CPNE4: variants seen among roughly 807,000 people sequenced by gnomAD.
The protein encoded by CPNE4 is copine-4.
CPNE4 carries 25 observed loss-of-function variants against 67.9 expected under a neutral mutation model. That is an observed-to-expected ratio of 0.37 (90% CI 0.27 to 0.51). CPNE4 has a LOEUF of 0.51. CPNE4 is among the 20% of genes least tolerant of loss of function. The pLI is 0.93. For synonymous variants in CPNE4, 242 were observed against 244.9 expected, an observed-to-expected ratio of 0.99 and a Z score of 0.11; for missense variants, 464 against 690.8, an observed-to-expected ratio of 0.67 and a Z score of 3.68.
chr3:131,980,421 ATTGGG>A (rs1156989342), intron 1 of CPNE4, among the ~76,000 whole-genome samples: 1 of 151,640 alleles, frequency 6.6e-6, no homozygotes, highest in Non-Finnish European at 1.5e-5. Context: ...TCTTTGTTGG[ATTGGG>A]TTAATTTGAA....
At chr3:131,694,355 C>T (rs756354787) in intron 5 of CPNE4, among the ~76,000 whole-genome samples, 2 of 152,054 alleles carry the variant, frequency 1.3e-5, no homozygotes, top group Non-Finnish European at 2.9e-5. Flanking sequence ...ACTATTTTTC[C>T]AGCTGTGACA....
intron 1 of CPNE4, among the ~76,000 whole-genome samples, chr3:131,916,730 C>T (rs1421828427): frequency 6.6e-6 from 1 of 152,092 alleles, no homozygotes; most frequent in Non-Finnish European, 1.5e-5. Context: ...ACTAGTAACA[C>T]GTGTCTATTA....
At chr3:131,934,928 C>T (rs955049146) in intron 1 of CPNE4, among the ~76,000 whole-genome samples, 12 of 152,036 alleles carry the variant, frequency 7.9e-5, no homozygotes, top group Non-Finnish European at 1.8e-4. Context: ...AGGGAGATTT[C>T]CTATTTGATG....
At chr3:131,591,425 C>A (rs778605210) in intron 7 of CPNE4, among the ~76,000 whole-genome samples, 6 of 152,136 alleles carry the variant, frequency 3.9e-5, no homozygotes, top group Non-Finnish European at 5.9e-5. Context: ...ATCCCATTCA[C>A]CCCTTCATTG....
At chr3:131,995,151 GTTTTAA>G (rs1466349664) in intron 1 of CPNE4, among the ~76,000 whole-genome samples, 2 of 152,010 alleles carry the variant, frequency 1.3e-5, no homozygotes, top group East Asian at 1.9e-4. Context: ...CAGCTGTAGA[GTTTTAA>G]TTTTATCTGT....
At chr3:131,900,960 T>C (rs1373971494) in intron 2 of CPNE4, among the ~76,000 whole-genome samples, 1 of 152,122 alleles carries the variant, frequency 6.6e-6, no homozygotes, top group Non-Finnish European at 1.5e-5. Flanking sequence ...TGATTGTGTA[T>C]TAAAATTCAA....
intron 2 of CPNE4, among the ~76,000 whole-genome samples, chr3:131,830,914 A>G (rs1193320182): frequency 6.6e-6 from 1 of 152,104 alleles, no homozygotes; most frequent in Non-Finnish European, 1.5e-5. Flanking sequence ...ACAAGGTACA[A>G]AGATACAAGG....
chr3:132,002,275 CAT>C (rs988006304), intron 1 of CPNE4, among the ~76,000 whole-genome samples: 56 of 152,208 alleles, frequency 3.7e-4, no homozygotes, highest in Admixed American at 3.1e-3. Context: ...AAATTAAACC[CAT>C]GTCTTGGCAG....
chr3:131,797,072 G>A (rs1356570973), intron 2 of CPNE4, among the ~76,000 whole-genome samples: 2 of 152,078 alleles, frequency 1.3e-5, no homozygotes, highest in Non-Finnish European at 2.9e-5. Context: ...AACTCCATAG[G>A]TCACAGTGGC....
intron 12 of CPNE4, among the ~76,000 whole-genome samples, chr3:131,553,476 G>A (rs771184361): frequency 6.6e-5 from 10 of 152,002 alleles, no homozygotes; most frequent in Non-Finnish European, 1.0e-4. Flanking sequence ...GTGACCCTTG[G>A]GAGTAATCAG....
chr3:131,978,615 A>G (rs1474822931), intron 1 of CPNE4, among the ~76,000 whole-genome samples: 2 of 130,864 alleles, frequency 1.5e-5, no homozygotes, highest in Non-Finnish European at 1.6e-5. Flanking sequence ...CCAATGGTCT[A>G]TCAATTTTAT....
At chr3:131,691,305 G>C (rs1018100137) in intron 5 of CPNE4, among the ~76,000 whole-genome samples, 3 of 152,098 alleles carry the variant, frequency 2.0e-5, no homozygotes, top group Non-Finnish European at 2.9e-5. Context: ...AATCAGTCTA[G>C]GTGCCAATCA....
intron 6 of CPNE4, among the ~76,000 whole-genome samples, chr3:131,671,977 G>C (rs531075721): frequency 2.6e-5 from 4 of 151,138 alleles, no homozygotes; most frequent in Admixed American, 1.3e-4. Context: ...ACTACCCTTC[G>C]CAGCCTCTGC....
intron 2 of CPNE4, among the ~76,000 whole-genome samples, chr3:131,792,608 T>TGTGTATATATGTATATATACATACACAC (rs2083758211): frequency 1.1e-5 from 1 of 91,368 alleles, no homozygotes; most frequent in Admixed American, 1.3e-4. Context: ...TATATGTGTG[T>TGTGTATATATGTATATATACATACACAC]GTGTATATAT....
At chr3:131,741,214 T>G (rs967070511) in intron 2 of CPNE4, among the ~76,000 whole-genome samples, 1 of 152,154 alleles carries the variant, frequency 6.6e-6, no homozygotes, top group African/African-American at 2.4e-5. Flanking sequence ...ATGACAACAG[T>G]ATTTAAAATA....
intron 2 of CPNE4, among the ~76,000 whole-genome samples, chr3:131,897,055 G>A (rs1387344384): frequency 6.6e-6 from 1 of 152,030 alleles, no homozygotes; most frequent in Non-Finnish European, 1.5e-5. Context: ...TGAAACACAT[G>A]GTTTTAGATG....
At chr3:131,942,463 TGAGAGAGAGAGAGAGAGAGAGAGA>T (rs59277847) in intron 1 of CPNE4, among the ~76,000 whole-genome samples, 220 of 70,778 alleles carry the variant, frequency 3.1e-3, no homozygotes, top group Middle Eastern at 0.021. Flanking sequence ...TGTGTGTGTG[TGAGAGAGAGAGAGAGAGAGAGAGA>T]GAGAGAGAGA....
At chr3:131,960,768 C>T (rs1447126467) in intron 1 of CPNE4, among the ~76,000 whole-genome samples, 1 of 152,132 alleles carries the variant, frequency 6.6e-6, no homozygotes, top group East Asian at 1.9e-4. Flanking sequence ...ATTATTTCAT[C>T]CCACTTACCC....
chr3:131,667,971 G>T (rs2080306929), intron 7 of CPNE4, among the ~76,000 whole-genome samples: 1 of 152,166 alleles, frequency 6.6e-6, no homozygotes, highest in Admixed American at 6.5e-5. Context: ...GCCATCCTAT[G>T]CCTGAAGTCA....
Sources: gnomAD v4.1 joint callset for allele counts (sites outside exome capture counted in the v4.1 genomes callset) on GRCh38, gnomAD v4.1.1 for gene constraint, MANE v1.5 for transcripts, NCBI Gene and HGNC (gene_info 2026-07-23, HGNC 2026-07-21) for gene names.